GABRB1: variants seen among roughly 807,000 people sequenced by gnomAD.
GABRB1 encodes the protein gamma-aminobutyric acid receptor subunit beta-1.
In GABRB1, 17 loss-of-function variants were observed where a neutral mutation model predicts 51.6. That is an observed-to-expected ratio of 0.33 (90% CI 0.23 to 0.49). The LOEUF (loss-of-function observed/expected upper bound fraction) is 0.49, where lower values mean the gene tolerates loss of function less well. Ranked by LOEUF, GABRB1 falls within the 20% of genes least tolerant of loss-of-function variation. GABRB1 has a pLI of 0.99. For missense variants in GABRB1, 410 were observed against 600.6 expected (o/e 0.68, Z 3.32); for synonymous variants, 247 against 218.9 (o/e 1.13, Z -1.14).
chr4:47,321,592 G>T (rs1578092886), intron 5 of GABRB1, among the ~76,000 whole-genome samples: 1 of 22,728 alleles, frequency 4.4e-5, no homozygotes, highest in Non-Finnish European at 8.1e-5. Flanking sequence ...TCAAATCATA[G>T]GAATGAACTA....
intron 4 of GABRB1, among the ~76,000 whole-genome samples, chr4:47,254,948 A>G (rs867770094): frequency 6.6e-6 from 1 of 152,220 alleles, no homozygotes; most frequent in Admixed American, 6.5e-5. Context: ...AGACCATCTC[A>G]TACAATTCTG....
At chr4:47,121,741 G>A (rs1222237926) in intron 3 of GABRB1, among the ~76,000 whole-genome samples, 2 of 152,104 alleles carry the variant, frequency 1.3e-5, no homozygotes, top group East Asian at 3.8e-4. Flanking sequence ...GTTAAGCTGA[G>A]TCATAGTTAA....
rs144173363 is a variant in GABRB1, at chr4:47,385,868, A to G, written c.545-17450A>G. ...CCGGAATGTCTCACAGAACTCAGGA[A>G]AACAGTCTACTTACTACTACTGGTT... On this transcript the variant is annotated intron_variant, in intron 5 of 8. Coordinates refer to ENST00000295454, the MANE Select transcript of GABRB1 (RefSeq NM_000812.4). Among the ~76,000 whole-genome samples, 27 of 152,292 alleles carry G rather than the reference A, an allele frequency of 1.8e-4. 1 individual carries two copies. In the East Asian group the frequency reaches 5.2e-3, roughly 29 times the overall value.
chr4:47,349,053 G>T (rs754192327), intron 5 of GABRB1, among the ~76,000 whole-genome samples: 1 of 152,118 alleles, frequency 6.6e-6, no homozygotes, highest in African/African-American at 2.4e-5. Context: ...GGAGAATACC[G>T]GGAATGTTTT....
intron 3 of GABRB1, among the ~76,000 whole-genome samples, chr4:47,066,610 T>A (rs1727097091): frequency 6.6e-6 from 1 of 152,212 alleles, no homozygotes; most frequent in Non-Finnish European, 1.5e-5. Context: ...CTTTATTTGT[T>A]CATCTATAGG....
rs151084062 is a variant in GABRB1, at chr4:46,997,143, C to A, written c.-20+3217C>A. ...TTTCCACTGAAATATTACCTGTATA[C>A]CAGCCTACTATCATTGTCTAGTTAT... On this transcript the variant is annotated intron_variant, in intron 1 of 3. Coordinates refer to the GABRB1 transcript ENST00000513567. Among the ~76,000 whole-genome samples, 10 of 152,178 alleles carry A rather than the reference C, an allele frequency of 6.6e-5. No individual in the cohort carries two copies. The East Asian group carries it at 1.5e-3, about 23-fold the overall frequency.
intron 4 of GABRB1, among the ~76,000 whole-genome samples, chr4:47,245,915 C>A (rs28378066): frequency 0.015 from 1,871 of 123,296 alleles, 34 homozygotes; most frequent in African/African-American, 0.053. Context: ...GTCTTTTTTT[C>A]TTTTTTCTTG....
intron 5 of GABRB1, among the ~76,000 whole-genome samples, chr4:47,341,349 G>T (rs1020061658): frequency 6.6e-6 from 1 of 152,022 alleles, no homozygotes; most frequent in Non-Finnish European, 1.5e-5. Context: ...CATGCTCTCT[G>T]GAAATTAATC....
At chr4:47,285,263 G>A (rs557289914) in intron 4 of GABRB1, among the ~76,000 whole-genome samples, 47 of 152,232 alleles carry the variant, frequency 3.1e-4, no homozygotes, top group African/African-American at 8.2e-4. Flanking sequence ...GTTAGTTCTT[G>A]GATAGGAAAC....
intron 4 of GABRB1, among the ~76,000 whole-genome samples, chr4:47,256,480 G>A (rs372809305): frequency 3.3e-5 from 5 of 152,264 alleles, no homozygotes; most frequent in East Asian, 3.9e-4. Context: ...TGCACTACAC[G>A]CTCTGCATCT....
At chr4:47,051,511 T>C (rs1177940560) in intron 3 of GABRB1, among the ~76,000 whole-genome samples, 1 of 152,196 alleles carries the variant, frequency 6.6e-6, no homozygotes, top group East Asian at 1.9e-4. Context: ...TAGTTTTCAT[T>C]GCAGTGTTGT....
chr4:47,006,332 CAT>C (rs1413487911), intron 1 of GABRB1, among the ~76,000 whole-genome samples: 1 of 151,988 alleles, frequency 6.6e-6, no homozygotes, highest in Non-Finnish European at 1.5e-5. Flanking sequence ...TAATACTATA[CAT>C]ATATAATACA....
intron 7 of GABRB1, among the ~76,000 whole-genome samples, chr4:47,405,508 T>A (rs1178259869): frequency 6.6e-6 from 1 of 152,186 alleles, no homozygotes; most frequent in Non-Finnish European, 1.5e-5. Flanking sequence ...TTTTAAATGC[T>A]ATTGTGTAAC....
chr4:47,004,857 T>C (rs1311221987), intron 1 of GABRB1, among the ~76,000 whole-genome samples: 1 of 152,224 alleles, frequency 6.6e-6, no homozygotes, highest in Non-Finnish European at 1.5e-5. Context: ...AAACAATATG[T>C]TTGCTATTTG....
intron 1 of GABRB1, among the ~76,000 whole-genome samples, chr4:47,000,759 T>C (rs1440251926): frequency 6.6e-6 from 1 of 152,142 alleles, no homozygotes; most frequent in Non-Finnish European, 1.5e-5. Context: ...AACATGATGA[T>C]CTTGGGGTAG....
rs201932490 is a variant in GABRB1 at position 47,383,500 on chromosome 4, AT to A, written c.545-19817del. On this transcript the variant is annotated intron_variant, in intron 5 of 8. Coordinates refer to ENST00000295454, the MANE Select transcript of GABRB1 (RefSeq NM_000812.4). The stretch of plus-strand genomic sequence containing the variant: ...ATGATAGATTATACCTAAAAAAAAA[AT>A]CAGGGACTAGGCAAATAAGTTAATA... 1.2e-3 allele frequency among the ~76,000 whole-genome samples: 186 copies of A among 152,274 alleles called. 3 individuals carry two copies. Among genetic ancestry groups the A allele is most frequent in the Admixed American group, 9.5e-3 (146 of 15,300 alleles).
At chr4:47,236,514 G>A (rs998390799) in intron 4 of GABRB1, among the ~76,000 whole-genome samples, 2 of 152,134 alleles carry the variant, frequency 1.3e-5, no homozygotes, top group African/African-American at 4.8e-5. Flanking sequence ...GGTGAAGAAA[G>A]TATTATCCCT....
At chr4:47,264,501 G>A (rs1215215773) in intron 4 of GABRB1, among the ~76,000 whole-genome samples, 2 of 152,102 alleles carry the variant, frequency 1.3e-5, no homozygotes, top group Non-Finnish European at 2.9e-5. Flanking sequence ...GGCACCCCAG[G>A]GTATGCCTAC....
chr4:47,304,083 C>G (rs138537598), intron 4 of GABRB1, among the ~76,000 whole-genome samples: 15 of 152,122 alleles, frequency 9.9e-5, no homozygotes, highest in African/African-American at 3.6e-4. Flanking sequence ...TTAGTTGATT[C>G]CATATCCTTG....
Sources: allele counts gnomAD v4.1 joint callset (sites outside exome capture counted in the v4.1 genomes callset), GRCh38; gene constraint gnomAD v4.1.1; transcripts MANE v1.5; gene names NCBI Gene and HGNC (gene_info 2026-07-23, HGNC 2026-07-21).